The following BLTP1 variants were observed in gnomAD, a reference collection of about 807,000 sequenced individuals.
The protein encoded by BLTP1 is fragile site-associated protein.
At chr4:122,295,219 C>G in the BLTP1 span, among the ~76,000 whole-genome samples, 1 of 152,128 alleles carries the variant, frequency 6.6e-6, no homozygotes, top group Non-Finnish European at 1.5e-5. Context: ...ACTTCCCCAA[C>G]TGAGCAAGAC....
chr4:122,259,640 T>TC, the BLTP1 span, among the ~76,000 whole-genome samples: 1 of 152,210 alleles, frequency 6.6e-6, no homozygotes, highest in African/African-American at 2.4e-5. Context: ...GGCGGGTGGA[T>TC]CACAAGGTCA....
At chr4:122,291,449 T>C in the BLTP1 span, among the ~76,000 whole-genome samples, 3 of 152,256 alleles carry the variant, frequency 2.0e-5, no homozygotes, top group Non-Finnish European at 4.4e-5. Flanking sequence ...TTCAGTTATT[T>C]TCCTAATTTT....
chr4:122,232,819 T>G, the BLTP1 span, among the ~76,000 whole-genome samples: 1 of 152,110 alleles, frequency 6.6e-6, no homozygotes, highest in African/African-American at 2.4e-5. Flanking sequence ...GGACAGAGCT[T>G]GCATTCATGT....
chr4:122,261,795 T>C, the BLTP1 span: 1 of 978,150 alleles, frequency 1.0e-6, no homozygotes, highest in South Asian at 4.7e-5. Context: ...ACATGAAACA[T>C]GCTTATCAAG....
At chr4:122,353,621 T>C in the BLTP1 span, 1 of 290,524 alleles carries the variant, frequency 3.4e-6, no homozygotes, top group African/African-American at 2.3e-5. This position sits in a 1 kb window ranked among gnomAD's most constrained non-coding sequence, Gnocchi z 4.3. Flanking sequence ...TTTCTTCATC[T>C]TACTAGGGAC....
At chr4:122,344,574 A>T in the BLTP1 span, 1 of 1,537,550 alleles carries the variant, frequency 6.5e-7, no homozygotes, top group African/African-American at 1.4e-5. Context: ...ACTCAATTTT[A>T]TAGTTTTTAA....
At chr4:122,354,771 A>T in the BLTP1 span, among the ~76,000 whole-genome samples, 1 of 150,458 alleles carries the variant, frequency 6.6e-6, no homozygotes, top group Non-Finnish European at 1.5e-5. Context: ...GGTTCAAGCG[A>T]TTCTCCTGCC....
chr4:122,153,642 A>G, the BLTP1 span, among the ~76,000 whole-genome samples: 1 of 152,182 alleles, frequency 6.6e-6, no homozygotes, highest in South Asian at 2.1e-4. Flanking sequence ...TCATTTGATA[A>G]AAAGTATGCC....
the BLTP1 span, chr4:122,230,048 A>G: frequency 6.2e-7 from 1 of 1,614,192 alleles, no homozygotes; most frequent in Non-Finnish European, 8.5e-7. Flanking sequence ...AAATAATTGC[A>G]GAATTGGACT....
chr4:122,267,732 T>C, the BLTP1 span: 3 of 409,758 alleles, frequency 7.3e-6, no homozygotes, highest in Non-Finnish European at 9.9e-6. Flanking sequence ...TTGTCATGGA[T>C]GGTTCTTCAG....
the BLTP1 span, chr4:122,243,298 G>C: frequency 1.6e-6 from 1 of 618,848 alleles, no homozygotes; most frequent in Non-Finnish European, 2.0e-6. Flanking sequence ...TGACTAATAA[G>C]ACTTCAGTAT....
chr4:122,313,252 A>C, the BLTP1 span, among the ~76,000 whole-genome samples: 3 of 152,264 alleles, frequency 2.0e-5, no homozygotes, highest in South Asian at 4.1e-4. Flanking sequence ...TTGCATTCTC[A>C]AAGTGCCATT....
the BLTP1 span, chr4:122,170,023 C>T: frequency 1.0e-6 from 1 of 983,380 alleles, no homozygotes; most frequent in Admixed American, 6.2e-5. Context: ...AAAGAATAAT[C>T]ACGCTGGGCG....
the BLTP1 span, among the ~76,000 whole-genome samples, chr4:122,296,201 T>G: frequency 6.6e-6 from 1 of 152,202 alleles, no homozygotes; most frequent in Non-Finnish European, 1.5e-5. Flanking sequence ...CCCAAAAGCT[T>G]CTTAAGCTGA....
the BLTP1 span, among the ~76,000 whole-genome samples, chr4:122,282,725 T>G: frequency 1.3e-5 from 2 of 152,208 alleles, no homozygotes; most frequent in Non-Finnish European, 2.9e-5. Flanking sequence ...TCCCATATAG[T>G]TTTACCATAT....
At chr4:122,158,668 G>A in the BLTP1 span, among the ~76,000 whole-genome samples, 1 of 152,212 alleles carries the variant, frequency 6.6e-6, no homozygotes, top group African/African-American at 2.4e-5. Flanking sequence ...CTACTCGGAA[G>A]GCTGAGGCAG....
the BLTP1 span, among the ~76,000 whole-genome samples, chr4:122,258,069 AT>A: frequency 7.0e-3 from 1,061 of 152,274 alleles, 12 homozygotes; most frequent in African/African-American, 0.025. Context: ...TCAGCCTACA[AT>A]TTTGTCAACA....
At chr4:122,209,004 A>AAT in the BLTP1 span, 1 of 546,104 alleles carries the variant, frequency 1.8e-6, no homozygotes, top group Non-Finnish European at 2.3e-6. Flanking sequence ...AAAAAAAAAA[A>AAT]GATAAATAAT....
At chr4:122,336,170 A>T in the BLTP1 span, 1 of 1,548,420 alleles carries the variant, frequency 6.5e-7, no homozygotes, top group Non-Finnish European at 8.7e-7. Context: ...AATCCATTAA[A>T]TGGAATTTAT....
Sources: allele counts gnomAD v4.1 joint callset (sites outside exome capture counted in the v4.1 genomes callset), GRCh38; gene constraint gnomAD v4.1.1; non-coding constraint Gnocchi (gnomAD v3.1); transcripts MANE v1.5; gene names NCBI Gene and HGNC (gene_info 2026-07-23, HGNC 2026-07-21).